The following CTNNA2 variants were observed in gnomAD, a reference collection of about 807,000 sequenced individuals.
CTNNA2 encodes catenin alpha-2.
A neutral mutation model predicts 101.0 loss-of-function variants in CTNNA2; 42 were observed. The ratio of observed to expected loss-of-function variants is 0.42; its 90% CI spans 0.32 to 0.54. The LOEUF (loss-of-function observed/expected upper bound fraction) is 0.54. CTNNA2 is among the 20% of genes least tolerant of loss of function. The probability of loss-of-function intolerance (pLI) is 0.14; values close to 1 mark genes in which losing one functional copy is unlikely to be tolerated. For synonymous variants in CTNNA2, 450 were observed against 456.4 expected (o/e 0.99, Z 0.18); for missense variants, 871 against 1,223.1 (o/e 0.71, Z 4.29).
chr2:80,646,430 T>G (rs1674098912), intron 18 of CTNNA2, among the ~76,000 whole-genome samples: 1 of 152,146 alleles, frequency 6.6e-6, no homozygotes, highest in Admixed American at 6.6e-5. Flanking sequence ...GCAGTTCAGC[T>G]GTTAATTCTT....
At chr2:79,379,444 T>C (rs554103868) in intron 4 of CTNNA2, among the ~76,000 whole-genome samples, 2 of 152,326 alleles carry the variant, frequency 1.3e-5, no homozygotes, top group South Asian at 2.1e-4. Context: ...AACCCCACCA[T>C]AGGGCCTTTA....
At chr2:79,313,569 G>A (rs1676431118) in intron 3 of CTNNA2, among the ~76,000 whole-genome samples, 1 of 152,114 alleles carries the variant, frequency 6.6e-6, no homozygotes, top group South Asian at 2.1e-4. Flanking sequence ...ACTGACTCCA[G>A]AGCTCATGTT....
chr2:79,816,379 T>G (rs889336501), intron 3 of CTNNA2, among the ~76,000 whole-genome samples: 4 of 152,170 alleles, frequency 2.6e-5, no homozygotes, highest in Non-Finnish European at 5.9e-5. Context: ...CAGTATTATG[T>G]TGGCTGTGGG....
At chr2:79,255,044 AT>A (rs1283706191) in intron 2 of CTNNA2, among the ~76,000 whole-genome samples, 1 of 152,184 alleles carries the variant, frequency 6.6e-6, no homozygotes, top group African/African-American at 2.4e-5. Flanking sequence ...GTATTGGAAA[AT>A]GCATTAGAAA....
In CTNNA2 at chr2:79,334,720, G is replaced by T. The variant is rs145821611; in HGVS notation, c.-318+21924G>T. On this transcript the variant is annotated intron_variant, in intron 3 of 21. Coordinates refer to the CTNNA2 transcript ENST00000466387. ...GCGATTCTTTGACATCAGTTAAAAT[G>T]ATGTGAATGTGATCTGGCAAGGAGA... Among the ~76,000 whole-genome samples the T allele has an allele frequency of 5.3e-3, 806 of 152,250 alleles. 7 individuals are homozygous for T. The highest frequency in any genetic ancestry group is 0.019 in the African/African-American group (777 of 41,542).
At chr2:79,591,524 C>T (rs1296717953) in intron 1 of CTNNA2, among the ~76,000 whole-genome samples, 3 of 152,210 alleles carry the variant, frequency 2.0e-5, no homozygotes, top group Non-Finnish European at 2.9e-5. Context: ...TTAACCTTCA[C>T]ATCTTTGCTT....
At chr2:79,717,511 G>A (rs1042150847) in intron 2 of CTNNA2, among the ~76,000 whole-genome samples, 1 of 152,054 alleles carries the variant, frequency 6.6e-6, no homozygotes, top group South Asian at 2.1e-4. Context: ...CCACAGCAGC[G>A]GCCAAGAGAA....
chr2:80,582,265 A>G (rs896458100), intron 14 of CTNNA2, among the ~76,000 whole-genome samples: 8 of 152,170 alleles, frequency 5.3e-5, no homozygotes, highest in Non-Finnish European at 8.8e-5. Context: ...CTGTTGCTCC[A>G]TACAATGGCC....
intron 7 of CTNNA2, among the ~76,000 whole-genome samples, chr2:80,271,374 T>G (rs753057411): frequency 1.3e-5 from 2 of 151,782 alleles, no homozygotes; most frequent in Non-Finnish European, 2.9e-5. Context: ...CTTCCAGTCT[T>G]CCAGTCACAA....
rs1698205765 is a variant in CTNNA2, at chr2:80,608,507, T to C, written c.2430+189T>C. 6.2e-6 allele frequency: 3 copies of C among 485,202 alleles called. No homozygotes were observed. The South Asian group carries it at 1.8e-4, about 29-fold the overall frequency. 30.1% of individuals were successfully genotyped at this position (485,202 alleles called of 1,614,324 possible). On this transcript the variant is annotated intron_variant, in intron 17 of 18. Transcript: ENST00000402739. Reference sequence around the variant, plus strand: ...CACAAAGAGCAATTTGATTTTCCAATTACCCTGTGTTTATTCTAGCCTTGT... The same window carrying C: ...CACAAAGAGCAATTTGATTTTCCAACTACCCTGTGTTTATTCTAGCCTTGT...
At chr2:79,915,315 ACACACAC>A (rs1204170789) in intron 7 of CTNNA2, among the ~76,000 whole-genome samples, 2 of 135,076 alleles carry the variant, frequency 1.5e-5, no homozygotes, top group African/African-American at 5.4e-5. Flanking sequence ...AAACACACAC[ACACACAC>A]ACACACACAT....
chr2:79,282,240 T>A (rs1675408752), intron 2 of CTNNA2, among the ~76,000 whole-genome samples: 1 of 152,134 alleles, frequency 6.6e-6, no homozygotes. Flanking sequence ...TTCTTTATAA[T>A]CTTTTTTTAA....
chr2:80,257,723 T>C (rs1672285752), intron 7 of CTNNA2, among the ~76,000 whole-genome samples: 1 of 152,212 alleles, frequency 6.6e-6, no homozygotes. Context: ...GCACTCGCGC[T>C]CTGGTATATA....
In CTNNA2 at chr2:79,618,187, C is replaced by T. The variant is rs1678760539; in HGVS notation, c.-5-33365C>T. 2.0e-5 allele frequency among the ~76,000 whole-genome samples: 3 copies of T among 152,222 alleles called. 1 individual carries two copies. Among genetic ancestry groups the T allele is most frequent in the South Asian group, 4.1e-4 (2 of 4,832 alleles). ...GGAAGGGGTGATGCCCTTTGGGCAG[C>T]AACCAACAAAGTCTGCCATGTCCTT... On this transcript the variant is annotated intron_variant, in intron 1 of 18. Transcript: ENST00000402739.
At chr2:79,337,245 A>G (rs1052417235) in intron 3 of CTNNA2, among the ~76,000 whole-genome samples, 3 of 152,218 alleles carry the variant, frequency 2.0e-5, no homozygotes, top group Non-Finnish European at 4.4e-5. Flanking sequence ...ATAGGAAAGA[A>G]AATGGGTACA....
At chr2:80,389,791 C>T (rs528524967) in intron 7 of CTNNA2, among the ~76,000 whole-genome samples, 2 of 152,280 alleles carry the variant, frequency 1.3e-5, no homozygotes, top group South Asian at 4.1e-4. Context: ...TTTTAACATT[C>T]CCCAGCCTTC....
intron 2 of CTNNA2, among the ~76,000 whole-genome samples, chr2:79,232,297 T>G (rs975853182): frequency 1.3e-5 from 2 of 152,182 alleles, no homozygotes; most frequent in African/African-American, 4.8e-5. Context: ...GACTTTTTTT[T>G]TCCATCTATT....
At chr2:79,773,657 C>G (rs373884604) in intron 3 of CTNNA2, among the ~76,000 whole-genome samples, 43 of 152,148 alleles carry the variant, frequency 2.8e-4, no homozygotes, top group African/African-American at 9.6e-4. Context: ...ATTTTGGGGG[C>G]TCAAGATGTT....
intron 2 of CTNNA2, among the ~76,000 whole-genome samples, chr2:79,723,147 T>G (rs1279798579): frequency 6.8e-6 from 1 of 147,026 alleles, no homozygotes; most frequent in Non-Finnish European, 1.5e-5. Flanking sequence ...TAGGTGAGTG[T>G]CTTTCCTACC....
Sources: allele counts gnomAD v4.1 joint callset (sites outside exome capture counted in the v4.1 genomes callset), GRCh38; gene constraint gnomAD v4.1.1; transcripts MANE v1.5; gene names NCBI Gene and HGNC (gene_info 2026-07-23, HGNC 2026-07-21).